HECW2: variants seen among roughly 807,000 people sequenced by gnomAD.
HECW2 encodes E3 ubiquitin-protein ligase HECW2.
HECW2 carries 61 observed loss-of-function variants against 175.2 expected under a neutral mutation model. The ratio of observed to expected loss-of-function variants is 0.35; its 90% CI spans 0.28 to 0.43. The LOEUF (loss-of-function observed/expected upper bound fraction) is 0.43, where lower values mean the gene tolerates loss of function less well. Among genes scored for constraint, HECW2 ranks in the 20% least tolerant of loss-of-function variants. HECW2 has a pLI of 1.00. For synonymous variants in HECW2, 671 were observed against 731.0 expected (o/e 0.92, Z 1.32); for missense variants, 1,524 against 2,000.5 (o/e 0.76, Z 4.54).
chr2:196,334,095 A>G (rs1246883105), intron 4 of HECW2, among the ~76,000 whole-genome samples: 1 of 152,090 alleles, frequency 6.6e-6, no homozygotes, highest in African/African-American at 2.4e-5. Flanking sequence ...ATAAGATGCA[A>G]TGCCACTCTT....
intron 17 of HECW2, among the ~76,000 whole-genome samples, chr2:196,268,551 G>T (rs990563433): frequency 6.6e-6 from 1 of 152,208 alleles, no homozygotes; most frequent in African/African-American, 2.4e-5. Context: ...ATTCTGTCAA[G>T]TCATTAAAGA....
intron 23 of HECW2, among the ~76,000 whole-genome samples, chr2:196,225,548 A>G (rs1381117015): frequency 1.3e-5 from 2 of 152,208 alleles, no homozygotes; most frequent in Non-Finnish European, 2.9e-5. Context: ...TGGGGGGTAG[A>G]GCAAAACTAA....
chr2:196,337,554 T>A (rs1217581142), intron 3 of HECW2, among the ~76,000 whole-genome samples: 1 of 115,546 alleles, frequency 8.7e-6, no homozygotes, highest in African/African-American at 3.2e-5. Context: ...TGGCCTCAAA[T>A]TATGGGAAAA....
intron 1 of HECW2, among the ~76,000 whole-genome samples, chr2:196,485,524 G>A (rs1686972325): frequency 6.6e-6 from 1 of 152,134 alleles, no homozygotes; most frequent in Admixed American, 6.5e-5. Flanking sequence ...AGGTGGAGGT[G>A]GAAGGCAGGG....
At position 196,319,780 on chromosome 2, in the gene HECW2, C is replaced by T; in HGVS notation, c.1110G>A (p.Gly370=). Residue 370 remains glycine, a synonymous_variant, in exon 9 of 29, where the codon GGG becomes GGA. Coordinates refer to ENST00000644978, the MANE Select transcript of HECW2 (RefSeq NM_001348768.2). ...SHHDSQVCSN[G]PVSEDSAADG... ...CGGCAGCACTGTCCTCAGAAACTGG[C>T]CCATTAGAGCACACCTGGCTGTCGT... The T allele has an allele frequency of 1.2e-6, 2 of 1,614,176 alleles. No homozygotes were observed. Among genetic ancestry groups the T allele is most frequent in the South Asian group, 1.1e-5 (1 of 91,088 alleles).
chr2:196,206,061 C>T (rs970032268), intron 28 of HECW2, among the ~76,000 whole-genome samples: 32 of 152,276 alleles, frequency 2.1e-4, no homozygotes, highest in Non-Finnish European at 5.9e-5. Context: ...CCACTCCCAC[C>T]CCATTCCATG....
intron 1 of HECW2, among the ~76,000 whole-genome samples, chr2:196,445,684 C>CTCATT (rs1372923966): frequency 5.3e-5 from 8 of 152,096 alleles, no homozygotes; most frequent in African/African-American, 9.7e-5. Context: ...CATTATGGGG[C>CTCATT]ATGATCAGCA....
At chr2:196,518,608 T>C (rs2125428433) in intron 1 of HECW2, among the ~76,000 whole-genome samples, 1 of 147,136 alleles carries the variant, frequency 6.8e-6, no homozygotes, top group Non-Finnish European at 1.5e-5. Flanking sequence ...CGAGCTGAGA[T>C]TGCGCCACTG....
At chr2:196,291,303 T>G (rs1690595240) in intron 14 of HECW2, 1 of 152,212 alleles carries the variant, frequency 6.6e-6, no homozygotes, top group Non-Finnish European at 1.5e-5. Context: ...TGAAATAACA[T>G]TCTCCATTCC....
At chr2:196,448,394 T>A (rs1285493361) in intron 1 of HECW2, among the ~76,000 whole-genome samples, 1 of 152,220 alleles carries the variant, frequency 6.6e-6, no homozygotes, top group Non-Finnish European at 1.5e-5. Flanking sequence ...AGCTGAGACC[T>A]ACTCTGAGGT....
chr2:196,236,488 C>G (rs970725571), intron 21 of HECW2, among the ~76,000 whole-genome samples: 5 of 152,184 alleles, frequency 3.3e-5, no homozygotes, highest in Admixed American at 1.3e-4. Flanking sequence ...TATTGATACA[C>G]TATTATTAGC....
At chr2:196,467,830 A>G (rs924094913) in intron 1 of HECW2, among the ~76,000 whole-genome samples, 1 of 152,106 alleles carries the variant, frequency 6.6e-6, no homozygotes, top group Non-Finnish European at 1.5e-5. Flanking sequence ...GCCCCCTCCA[A>G]TCCAGGCCTA....
intron 1 of HECW2, among the ~76,000 whole-genome samples, chr2:196,455,059 G>A (rs1330560780): frequency 2.0e-5 from 3 of 150,322 alleles, no homozygotes; most frequent in African/African-American, 4.9e-5. Flanking sequence ...TTTTGAGACG[G>A]AGTCTCACTC....
At chr2:196,436,419 A>G (rs1353847442) in intron 1 of HECW2, among the ~76,000 whole-genome samples, 1 of 151,582 alleles carries the variant, frequency 6.6e-6, no homozygotes, top group Non-Finnish European at 1.5e-5. Context: ...AAAAAAAAAA[A>G]AAGTTGAAAC....
At chr2:196,243,913 G>C (rs1688556511) in intron 19 of HECW2, among the ~76,000 whole-genome samples, 1 of 152,150 alleles carries the variant, frequency 6.6e-6, no homozygotes, top group African/African-American at 2.4e-5. Context: ...ATCTGGTTTT[G>C]TGTCACTGGG....
intron 1 of HECW2, among the ~76,000 whole-genome samples, chr2:196,485,265 G>C (rs1478718166): frequency 6.6e-6 from 1 of 152,176 alleles, no homozygotes; most frequent in African/African-American, 2.4e-5. Context: ...AGCTGAGTTG[G>C]GAGCATAGCA....
At position 196,593,547 on chromosome 2, in the gene HECW2, C is replaced by A. The variant is rs1691293518; in HGVS notation, c.-75G>T. On this transcript the variant is annotated 5_prime_UTR_variant, in exon 1 of 29. Transcript: ENST00000644978. ...GCGCCCTTCCCGCTAGACGCTTCGG[C>A]GGCATCTGCCCGCACCGCCCTGCGG... The A allele has an allele frequency of 6.6e-6, 1 of 152,428 alleles. No homozygotes were observed. The highest frequency in any genetic ancestry group is 2.1e-4 in the South Asian group (1 of 4,828). The allele number at this position is 152,428 out of a possible 1,614,324, so 9.4% of individuals were successfully genotyped here.
At chr2:196,298,484 C>A (rs1690902154) in intron 13 of HECW2, among the ~76,000 whole-genome samples, 1 of 151,172 alleles carries the variant, frequency 6.6e-6, no homozygotes. Flanking sequence ...ATCTATTTTT[C>A]TTTTTTTTTA....
Position 196,322,482 on chromosome 2 carries a change from T to C in HECW2, c.880A>G (p.Ile294Val), listed in dbSNP as rs765028577. ...CCAAAGGTAAGGGCTGATTACCCGA[T>C]GGCTTGTCGCTCCAGCAGCCTCTGG... ...PVQRLLERQA[I>V]GDQMLSYNLG... Residue 294 changes from isoleucine to valine, a missense_variant, in exon 7 of 29, where the codon ATC (isoleucine) becomes GTC (valine). Physicochemically the swap from Ile to Val is conservative, Grantham distance 29. Around this residue, in one of 11 missense-constraint regions of HECW2, gnomAD observed 95 missense variants for 136.8 expected, o/e 0.69. Coordinates refer to ENST00000644978, the MANE Select transcript of HECW2 (RefSeq NM_001348768.2). 2.4e-5 allele frequency: 38 copies of C among 1,613,622 alleles called. No homozygotes were observed. The highest frequency in any genetic ancestry group is 3.1e-5 in the Non-Finnish European group (37 of 1,179,812).
Sources: gnomAD v4.1 joint callset for allele counts (sites outside exome capture counted in the v4.1 genomes callset) on GRCh38, gnomAD v4.1.1 for gene constraint, gnomAD v4.1.1 regional missense constraint, MANE v1.5 for transcripts, NCBI Gene and HGNC (gene_info 2026-07-23, HGNC 2026-07-21) for gene names.